MAGI1: variants seen among roughly 807,000 people sequenced by gnomAD.
MAGI1 encodes membrane-associated guanylate kinase, WW and PDZ domain-containing protein 1.
In MAGI1, 58 loss-of-function variants were observed where a neutral mutation model predicts 139.9. The observed-to-expected ratio is 0.41, with a 90% CI of 0.34 to 0.52. The LOEUF is 0.52. Among genes scored for constraint, MAGI1 ranks in the 20% least tolerant of loss-of-function variants. The pLI is 0.12. For missense variants in MAGI1, 1,874 were observed against 1,901.6 expected (o/e 0.99, Z 0.27); for synonymous variants, 812 against 737.9 (o/e 1.10, Z -1.63).
chr3:65,722,141 C>T (rs1023198217), intron 1 of MAGI1, among the ~76,000 whole-genome samples: 6 of 152,068 alleles, frequency 3.9e-5, no homozygotes, highest in African/African-American at 1.2e-4. Flanking sequence ...TCAACCAATT[C>T]GTGCAGCAGT....
chr3:65,757,680 T>C (rs1268926833), intron 1 of MAGI1, among the ~76,000 whole-genome samples: 3 of 152,190 alleles, frequency 2.0e-5, no homozygotes, highest in African/African-American at 7.2e-5. Flanking sequence ...ACCCTCCTAA[T>C]GACTTAAACC....
intron 1 of MAGI1, among the ~76,000 whole-genome samples, chr3:65,893,616 T>C (rs2060854445): frequency 6.6e-6 from 1 of 152,154 alleles, no homozygotes; most frequent in Non-Finnish European, 1.5e-5. Flanking sequence ...AAATTACAAA[T>C]TTTGCCCCAG....
intron 1 of MAGI1, among the ~76,000 whole-genome samples, chr3:65,993,242 C>CT (rs111438643): frequency 0.023 from 3,471 of 152,004 alleles, 116 homozygotes; most frequent in African/African-American, 0.073. Context: ...TACTCATTTT[C>CT]TTTTTTTTGC....
At chr3:65,778,043 G>A (rs1159479600) in intron 1 of MAGI1, among the ~76,000 whole-genome samples, 2 of 152,050 alleles carry the variant, frequency 1.3e-5, no homozygotes, top group Admixed American at 1.3e-4. Flanking sequence ...CATCATATTA[G>A]GCCATTTTAG....
At chr3:65,567,297 T>C (rs1459577085) in intron 2 of MAGI1, among the ~76,000 whole-genome samples, 2 of 152,008 alleles carry the variant, frequency 1.3e-5, no homozygotes, top group Non-Finnish European at 2.9e-5. Flanking sequence ...TTTGAGGCCA[T>C]TCCTGCTTCC....
intron 12 of MAGI1, among the ~76,000 whole-genome samples, chr3:65,413,233 T>C (rs1299405637): frequency 6.6e-6 from 1 of 152,204 alleles, no homozygotes; most frequent in East Asian, 1.9e-4. Flanking sequence ...GGGGGTACAT[T>C]GTTTGGCAAT....
At chr3:65,987,498 C>A (rs1351575766) in intron 1 of MAGI1, among the ~76,000 whole-genome samples, 1 of 152,162 alleles carries the variant, frequency 6.6e-6, no homozygotes, top group Non-Finnish European at 1.5e-5. Flanking sequence ...GGCAGGCGAG[C>A]CACTTACCTT....
At chr3:65,457,046 A>G (rs1192265373) in intron 5 of MAGI1, among the ~76,000 whole-genome samples, 1 of 152,106 alleles carries the variant, frequency 6.6e-6, no homozygotes, top group Non-Finnish European at 1.5e-5. Context: ...TTGCCTTTCC[A>G]TTTATATTTT....
intron 1 of MAGI1, among the ~76,000 whole-genome samples, chr3:65,992,791 C>G (rs2066248218): frequency 6.6e-6 from 1 of 152,164 alleles, no homozygotes; most frequent in Non-Finnish European, 1.5e-5. Context: ...ATTCCTTTCT[C>G]TTTCCAAGAA....
chr3:65,399,920 CTA>C (rs1944719092), intron 13 of MAGI1, among the ~76,000 whole-genome samples: 1 of 152,192 alleles, frequency 6.6e-6, no homozygotes, highest in Non-Finnish European at 1.5e-5. Flanking sequence ...TGCAAAACTA[CTA>C]TGTCTCCCTC....
chr3:65,470,479 A>C lies in MAGI1; in HGVS notation c.763T>G (p.Ser255Ala). The C allele has an allele frequency of 6.2e-7, 1 of 1,611,992 alleles. No homozygotes were observed. Among genetic ancestry groups the C allele is most frequent in the Non-Finnish European group, 8.5e-7 (1 of 1,178,710 alleles). The change falls in exon 5 of 23, where the codon TCT becomes GCT. Residue 255 changes from serine (S) to alanine (A), a missense_variant. By Grantham distance (99) the Ser-to-Ala change is moderately conservative. Transcript: ENST00000402939. Reference sequence around the variant, plus strand: ...AGAGTGTGCTCCTCTTGTTCACCAGAATCGGCTGCTTAATCATGTGAAGAG... The same window carrying C: ...AGAGTGTGCTCCTCTTGTTCACCAGCATCGGCTGCTTAATCATGTGAAGAG... Reference protein sequence around the residue: ...PEMNSSFTADSGEQEEHTLQE... With the variant: ...PEMNSSFTADAGEQEEHTLQE...
At chr3:65,722,614 T>C (rs1330375296) in intron 1 of MAGI1, among the ~76,000 whole-genome samples, 4 of 152,146 alleles carry the variant, frequency 2.6e-5, no homozygotes, top group African/African-American at 7.2e-5. Flanking sequence ...GCCTGGGCCA[T>C]AGAGCGAGAC....
At chr3:65,851,457 T>A (rs2059199568) in intron 1 of MAGI1, among the ~76,000 whole-genome samples, 3 of 151,890 alleles carry the variant, frequency 2.0e-5, no homozygotes, top group Admixed American at 2.0e-4. Flanking sequence ...TAAAAAAAAA[T>A]CTGTTAGGTT....
chr3:65,847,344 G>A (rs1403691515), intron 1 of MAGI1, among the ~76,000 whole-genome samples: 1 of 152,074 alleles, frequency 6.6e-6, no homozygotes, highest in Non-Finnish European at 1.5e-5. Context: ...ACCCTAGCTA[G>A]GTTTCTATTT....
chr3:65,467,703 T>A (rs1047942294), intron 5 of MAGI1, among the ~76,000 whole-genome samples: 2 of 152,212 alleles, frequency 1.3e-5, no homozygotes, highest in African/African-American at 4.8e-5. Context: ...TTTTCCAATA[T>A]ATCAAGTCAG....
intron 1 of MAGI1, among the ~76,000 whole-genome samples, chr3:65,629,692 T>C (rs932529420): frequency 2.6e-5 from 4 of 152,346 alleles, no homozygotes; most frequent in East Asian, 1.9e-4. Context: ...CCAAAATTCA[T>C]TTAAGTGAGC....
chr3:65,657,444 A>G (rs1000656730), intron 1 of MAGI1, among the ~76,000 whole-genome samples: 1 of 151,582 alleles, frequency 6.6e-6, no homozygotes, highest in Non-Finnish European at 1.5e-5. Context: ...AAAAAAAAAA[A>G]AAAAACACAT....
chr3:65,433,434 G>T (rs1339118946), intron 10 of MAGI1, among the ~76,000 whole-genome samples: 1 of 152,082 alleles, frequency 6.6e-6, no homozygotes, highest in African/African-American at 2.4e-5. Flanking sequence ...GTTTAACAAG[G>T]GAAGGAAAAT....
intron 2 of MAGI1, among the ~76,000 whole-genome samples, chr3:65,545,398 G>A (rs191801997): frequency 3.9e-5 from 6 of 152,260 alleles, no homozygotes; most frequent in Non-Finnish European, 8.8e-5. Flanking sequence ...TGGAACTCCT[G>A]AGGACTTCTT....
Sources: gnomAD v4.1 joint callset for allele counts (sites outside exome capture counted in the v4.1 genomes callset) on GRCh38, gnomAD v4.1.1 for gene constraint, MANE v1.5 for transcripts, NCBI Gene and HGNC (gene_info 2026-07-23, HGNC 2026-07-21) for gene names.